Variants in MRPL1 observed in about 807,000 individuals in gnomAD.
The protein encoded by MRPL1 is large ribosomal subunit protein uL1m.
Under a neutral mutation model 38.0 loss-of-function variants are expected in MRPL1, and 28 were observed. The observed-to-expected ratio is 0.74, with a 90% CI of 0.55 to 1.01. The LOEUF (loss-of-function observed/expected upper bound fraction) is 1.01. Among genes scored for constraint, MRPL1 ranks in the 50% least tolerant of loss-of-function variants. The probability of loss-of-function intolerance (pLI) is 0.00; values close to 1 mark genes in which losing one functional copy is unlikely to be tolerated. For synonymous variants in MRPL1, 123 were observed against 126.7 expected, an observed-to-expected ratio of 0.97 and a Z score of 0.20; for missense variants, 358 against 389.8, an observed-to-expected ratio of 0.92 and a Z score of 0.69.
At chr4:77,878,430 G>A (rs1193112074) in intron 2 of MRPL1, among the ~76,000 whole-genome samples, 2 of 151,944 alleles carry the variant, frequency 1.3e-5, no homozygotes, top group Non-Finnish European at 2.9e-5. Context: ...GTTCTGTTTA[G>A]TTCGTTTTAG....
rs745761741 is a variant in MRPL1, at chr4:77,898,989, A to ATT, written c.670+4760_670+4761dup. ...ACTTTTTACAGTTACTTATGCACAG[A>ATT]TTTTTTTTTTTTTTTTTTTTTTGAG... On this transcript the variant is annotated intron_variant, in intron 6 of 8. Transcript: ENST00000315567. 2.7e-3 allele frequency among the ~76,000 whole-genome samples: 254 copies of ATT among 95,058 alleles called. 5 individuals carry two copies. Among genetic ancestry groups the ATT allele is most frequent in the African/African-American group, 7.2e-3 (165 of 22,994 alleles). The allele number at this position is 95,058 out of a possible 152,430, so 62.4% of individuals were successfully genotyped here. A position where few individuals can be genotyped will look rare whatever the true frequency, so the allele number is the denominator to read the frequency against.
intron 1 of MRPL1, among the ~76,000 whole-genome samples, chr4:77,869,431 A>T (rs989321031): frequency 2.0e-5 from 3 of 152,214 alleles, no homozygotes; most frequent in Admixed American, 6.5e-5. Flanking sequence ...CTACAAAAGG[A>T]TTGAAAACAT....
At chr4:77,911,215 T>C (rs1736280473) in intron 7 of MRPL1, among the ~76,000 whole-genome samples, 1 of 152,218 alleles carries the variant, frequency 6.6e-6, no homozygotes, top group Non-Finnish European at 1.5e-5. Flanking sequence ...CTTTTGGGAC[T>C]GTGGAATATC....
chr4:77,890,771 G>A (rs1165768943), intron 5 of MRPL1, among the ~76,000 whole-genome samples: 1 of 152,146 alleles, frequency 6.6e-6, no homozygotes, highest in Non-Finnish European at 1.5e-5. Context: ...AAGCTGATAA[G>A]CAACTTCAGC....
intron 1 of MRPL1, among the ~76,000 whole-genome samples, chr4:77,863,559 C>T (rs1735055655): frequency 6.6e-6 from 1 of 151,048 alleles, no homozygotes; most frequent in East Asian, 1.9e-4. Context: ...CTCCGTCTCC[C>T]AGGTTCAAGC....
At chr4:77,884,995 AAG>A (rs1212004828) in intron 3 of MRPL1, among the ~76,000 whole-genome samples, 2 of 152,354 alleles carry the variant, frequency 1.3e-5, no homozygotes, top group South Asian at 2.1e-4. Flanking sequence ...AAGCTGGAAA[AAG>A]AGATTTTAGT....
chr4:77,902,313 G>A (rs180844730), intron 6 of MRPL1, among the ~76,000 whole-genome samples: 1 of 151,324 alleles, frequency 6.6e-6, no homozygotes, highest in East Asian at 2.0e-4. Flanking sequence ...GTTCAGGGTG[G>A]CAGTGCTCTA....
chr4:77,904,365 C>T (rs967305279), intron 6 of MRPL1, among the ~76,000 whole-genome samples: 1 of 151,600 alleles, frequency 6.6e-6, no homozygotes, highest in Non-Finnish European at 1.5e-5. Context: ...ACCAGCATGA[C>T]CAACATGGTG....
chr4:77,893,758 A>G lies in MRPL1; in HGVS notation c.559-381A>G, dbSNP rs1179643637. Among the ~76,000 whole-genome samples the G allele has an allele frequency of 2.6e-5, 4 of 152,154 alleles. No individual in the cohort carries two copies. The East Asian group carries it at 7.7e-4, about 29-fold the overall frequency. On this transcript the variant is annotated intron_variant, in intron 5 of 8. Transcript: ENST00000315567. ...GGCAGTTAGTGGTTATTAATTTTAC[A>G]TGTGATCTGTTGCAAAAGTTTCAGC...
At chr4:77,920,740 T>C (rs1350392972) in intron 7 of MRPL1, among the ~76,000 whole-genome samples, 2 of 152,090 alleles carry the variant, frequency 1.3e-5, no homozygotes, top group East Asian at 3.9e-4. Context: ...ATTCCCTCTA[T>C]AGTACCCTTC....
chr4:77,884,559 T>C lies in MRPL1; in HGVS notation c.403-697T>C, dbSNP rs563802192. Among the ~76,000 whole-genome samples the C allele has an allele frequency of 3.9e-5, 6 of 152,342 alleles. No individual in the cohort carries two copies. The East Asian group carries it at 1.2e-3, about 29-fold the overall frequency. On this transcript the variant is annotated intron_variant, in intron 3 of 8. Transcript: ENST00000315567. ...ATTAGCGTGCCTCAAATGCATGCCA[T>C]TGTTTATTTAGGATTTTCCAATTGA...
At chr4:77,925,342 T>G (rs57896992) in intron 7 of MRPL1, among the ~76,000 whole-genome samples, 33,580 of 151,292 alleles carry the variant, frequency 0.22, 4,494 homozygotes, top group African/African-American at 0.37. Flanking sequence ...ACTTTTTTTT[T>G]TTTGTTTTTT....
chr4:77,932,745 A>G (rs1736877121), intron 7 of MRPL1, among the ~76,000 whole-genome samples: 1 of 152,048 alleles, frequency 6.6e-6, no homozygotes, highest in South Asian at 2.1e-4. Flanking sequence ...GTTATATATT[A>G]CAGTGTAATA....
chr4:77,938,800 A>G (rs1737051147), intron 7 of MRPL1, among the ~76,000 whole-genome samples: 1 of 152,044 alleles, frequency 6.6e-6, no homozygotes, highest in Non-Finnish European at 1.5e-5. Context: ...AAGCATATGC[A>G]CCTAAACCCA....
At chr4:77,907,468 T>TTC (rs950472277) in intron 6 of MRPL1, among the ~76,000 whole-genome samples, 1 of 149,466 alleles carries the variant, frequency 6.7e-6, no homozygotes, top group Admixed American at 6.7e-5. Flanking sequence ...TCATGGGTCT[T>TTC]TCTCTCTCTC....
At chr4:77,941,380 C>G (rs1380987304) in intron 7 of MRPL1, among the ~76,000 whole-genome samples, 1 of 151,854 alleles carries the variant, frequency 6.6e-6, no homozygotes, top group Admixed American at 6.6e-5. Context: ...ATATTGGCTT[C>G]ATAGAACAAT....
intron 7 of MRPL1, among the ~76,000 whole-genome samples, chr4:77,918,492 C>A (rs755071571): frequency 6.6e-6 from 1 of 152,010 alleles, no homozygotes; most frequent in Non-Finnish European, 1.5e-5. Context: ...GTGAAAGAGG[C>A]AAGAGGAGAT....
intron 7 of MRPL1, among the ~76,000 whole-genome samples, chr4:77,924,498 G>A (rs1036545856): frequency 3.9e-4 from 60 of 152,012 alleles, no homozygotes; most frequent in Admixed American, 1.6e-3. Flanking sequence ...TCACGGCTCC[G>A]CTCAAATACC....
chr4:77,880,609 C>G (rs1265349299), intron 2 of MRPL1, among the ~76,000 whole-genome samples: 1 of 150,660 alleles, frequency 6.6e-6, no homozygotes. Flanking sequence ...GAACATCTTT[C>G]CAGAATACTA....
Sources: gnomAD v4.1 joint callset for allele counts (sites outside exome capture counted in the v4.1 genomes callset) on GRCh38, gnomAD v4.1.1 for gene constraint, MANE v1.5 for transcripts, NCBI Gene and HGNC (gene_info 2026-07-23, HGNC 2026-07-21) for gene names.